TBCK: variants seen among roughly 807,000 people sequenced by gnomAD.
TBCK encodes TBC domain-containing protein kinase-like protein.
TBCK carries 99 observed loss-of-function variants against 113.4 expected under a neutral mutation model. The ratio of observed to expected loss-of-function variants is 0.87; its 90% CI spans 0.74 to 1.03. The LOEUF (loss-of-function observed/expected upper bound fraction) is 1.03. Among genes scored for constraint, TBCK ranks in the 50% least tolerant of loss-of-function variants. The pLI is 0.00. For synonymous variants in TBCK, 369 were observed against 370.8 expected (o/e 1.00, Z 0.05); for missense variants, 1,045 against 1,061.3 (o/e 0.98, Z 0.21).
intron 25 of TBCK, among the ~76,000 whole-genome samples, chr4:106,077,862 C>T (rs1738393863): frequency 2.0e-5 from 3 of 152,202 alleles, no homozygotes; most frequent in Non-Finnish European, 4.4e-5. Flanking sequence ...TTCTTCTCAT[C>T]TGCACATGGC....
intron 5 of TBCK, among the ~76,000 whole-genome samples, chr4:106,259,004 A>G (rs953726683): frequency 1.3e-5 from 2 of 151,950 alleles, no homozygotes; most frequent in Non-Finnish European, 2.9e-5. Context: ...TATGTACCTT[A>G]ATAAGCAGTC....
At chr4:106,148,075 C>T (rs1748036776) in intron 23 of TBCK, among the ~76,000 whole-genome samples, 1 of 152,178 alleles carries the variant, frequency 6.6e-6, no homozygotes, top group African/African-American at 2.4e-5. Context: ...AGGAAATTCC[C>T]ACCTAATAAA....
At chr4:106,125,860 T>G (rs1745146239) in intron 23 of TBCK, among the ~76,000 whole-genome samples, 1 of 152,198 alleles carries the variant, frequency 6.6e-6, no homozygotes, top group East Asian at 1.9e-4. Context: ...GTGACTATAG[T>G]TAACAATAAT....
intron 24 of TBCK, among the ~76,000 whole-genome samples, chr4:106,098,359 G>T (rs1741169537): frequency 6.6e-6 from 1 of 151,962 alleles, no homozygotes; most frequent in Non-Finnish European, 1.5e-5. Flanking sequence ...CCAGTTCAGA[G>T]GAAATATTAC....
intron 25 of TBCK, among the ~76,000 whole-genome samples, chr4:106,090,358 C>A (rs1402882319): frequency 1.3e-5 from 2 of 152,182 alleles, no homozygotes; most frequent in African/African-American, 4.8e-5. Context: ...TGGGCCTGAC[C>A]ACTGAAACCA....
intron 3 of TBCK, among the ~76,000 whole-genome samples, chr4:106,263,718 T>C (rs956875049): frequency 1.3e-5 from 2 of 151,884 alleles, no homozygotes; most frequent in Non-Finnish European, 2.9e-5. Context: ...AAAATAATTG[T>C]TGCAACCTGA....
intron 3 of TBCK, among the ~76,000 whole-genome samples, chr4:106,277,107 A>C (rs1190564355): frequency 1.3e-5 from 2 of 152,214 alleles, no homozygotes; most frequent in African/African-American, 4.8e-5. Flanking sequence ...TATCCTTTGA[A>C]TATCATGGGA....
chr4:106,213,012 A>C (rs953998645), intron 19 of TBCK, among the ~76,000 whole-genome samples, 177 bp from the exon 20 acceptor site: 1 of 152,236 alleles, frequency 6.6e-6, no homozygotes. Flanking sequence ...TTAAACAAGC[A>C]CACCAACAAA....
chr4:106,145,814 A>G (rs1382331224), intron 23 of TBCK, among the ~76,000 whole-genome samples: 6 of 152,216 alleles, frequency 3.9e-5, no homozygotes, highest in Admixed American at 1.3e-4. Flanking sequence ...ATCACTGATC[A>G]TTAGAGAAAT....
In TBCK at chr4:106,139,820, A is replaced by G. The variant is rs1016641520; in HGVS notation, c.2236-23442T>C. ...ATTTTTTCATATTTTCTTATTGAAAATAAAAGCATCTCAGGGGTAAGCTAA... is the reference window on the plus strand; with the variant it reads ...ATTTTTTCATATTTTCTTATTGAAAGTAAAAGCATCTCAGGGGTAAGCTAA... On this transcript the variant is annotated intron_variant, in intron 23 of 25. Coordinates refer to ENST00000394708, the MANE Select transcript of TBCK (RefSeq NM_001163435.3). Among the ~76,000 whole-genome samples the G allele has an allele frequency of 1.8e-4, 26 of 141,178 alleles. 1 individual carries two copies. Among genetic ancestry groups the G allele is most frequent in the Non-Finnish European group, 3.2e-4 (20 of 62,158 alleles). The allele number at this position is 141,178 out of a possible 152,430, so 92.6% of individuals were successfully genotyped here.
intron 25 of TBCK, among the ~76,000 whole-genome samples, chr4:106,078,288 G>T (rs1283812165): frequency 6.6e-6 from 1 of 152,064 alleles, no homozygotes; most frequent in Non-Finnish European, 1.5e-5. Flanking sequence ...ACCAAAATCA[G>T]AGCTGAACTG....
intron 24 of TBCK, among the ~76,000 whole-genome samples, chr4:106,103,701 A>AAGAAGCAGCTAGTGTGCGTGGCT (rs1473174996): frequency 6.6e-6 from 1 of 152,194 alleles, no homozygotes; most frequent in African/African-American, 2.4e-5. Context: ...CAATCTATTC[A>AAGAAGCAGCTAGTGTGCGTGGCT]AGAAGCAGCT....
At chr4:106,218,527 AAAAC>A (rs1757264783) in intron 19 of TBCK, among the ~76,000 whole-genome samples, 2 of 116,760 alleles carry the variant, frequency 1.7e-5, no homozygotes, top group Non-Finnish European at 3.5e-5. Flanking sequence ...TTACAAGAAA[AAAAC>A]AAACAACCCC....
At chr4:106,234,099 T>C (rs1759183781) in intron 15 of TBCK, among the ~76,000 whole-genome samples, 1 of 152,102 alleles carries the variant, frequency 6.6e-6, no homozygotes, top group Admixed American at 6.6e-5. Context: ...ATTTTGGTCG[T>C]GTTCTATAGG....
chr4:106,053,847 A>C (rs1167292831), intron 25 of TBCK, among the ~76,000 whole-genome samples: 1 of 151,712 alleles, frequency 6.6e-6, no homozygotes, highest in Non-Finnish European at 1.5e-5. Context: ...TTATCTAACT[A>C]ATAAACCTGG....
intron 22 of TBCK, among the ~76,000 whole-genome samples, chr4:106,179,468 G>A (rs969932208): frequency 6.6e-6 from 1 of 151,798 alleles, no homozygotes; most frequent in Non-Finnish European, 1.5e-5. Context: ...GTTAAATACA[G>A]GAATACTATA....
chr4:106,062,124 T>C (rs1427507145), intron 25 of TBCK, among the ~76,000 whole-genome samples: 1 of 151,884 alleles, frequency 6.6e-6, no homozygotes, highest in Admixed American at 6.6e-5. Flanking sequence ...GACTTAGTGT[T>C]TGTGAATATG....
At chr4:106,287,965 A>G (rs1401172406) in intron 3 of TBCK, among the ~76,000 whole-genome samples, 4 of 152,280 alleles carry the variant, frequency 2.6e-5, no homozygotes, top group South Asian at 4.1e-4. Flanking sequence ...TTGTTAAGCA[A>G]TAACTAATTC....
intron 23 of TBCK, among the ~76,000 whole-genome samples, chr4:106,120,597 C>T: frequency 6.6e-6 from 1 of 152,200 alleles, no homozygotes; most frequent in Non-Finnish European, 1.5e-5. Flanking sequence ...CAGTGGTTCT[C>T]TCAGCACGCA....
Sources: allele counts gnomAD v4.1 joint callset (sites outside exome capture counted in the v4.1 genomes callset), GRCh38; gene constraint gnomAD v4.1.1; transcripts MANE v1.5; gene names NCBI Gene and HGNC (gene_info 2026-07-23, HGNC 2026-07-21).